Variants in PDLIM1 observed in about 807,000 individuals in gnomAD.
PDLIM1 encodes the protein PDZ and LIM domain protein 1.
A neutral mutation model predicts 35.2 loss-of-function variants in PDLIM1; 25 were observed. The ratio of observed to expected loss-of-function variants is 0.71; its 90% CI spans 0.52 to 0.99. The LOEUF (loss-of-function observed/expected upper bound fraction) is 0.99. Among genes scored for constraint, PDLIM1 ranks in the 50% least tolerant of loss-of-function variants. The pLI, the probability that PDLIM1 is intolerant of heterozygous loss-of-function variation, is 0.00. For missense variants in PDLIM1, 363 were observed against 415.3 expected (o/e 0.87, Z 1.09); for synonymous variants, 152 against 154.0 (o/e 0.99, Z 0.10).
intron 1 of PDLIM1, among the ~76,000 whole-genome samples, chr10:95,283,981 CTG>C (rs3979535): frequency 0.22 from 32,744 of 150,170 alleles, 3,836 homozygotes; most frequent in African/African-American, 0.31. Flanking sequence ...GCCTTTTTCT[CTG>C]TGTGTGTGTG....
At chr10:95,278,635 AAAAG>A (rs901271627) in intron 1 of PDLIM1, among the ~76,000 whole-genome samples, 1 of 152,028 alleles carries the variant, frequency 6.6e-6, no homozygotes. Context: ...AAAAGAAAAG[AAAAG>A]AAAGAAATTT....
intron 4 of PDLIM1, among the ~76,000 whole-genome samples, chr10:95,251,739 A>C (rs2035269755): frequency 1.3e-5 from 2 of 152,226 alleles, no homozygotes; most frequent in South Asian, 4.1e-4. Context: ...GATGAGGTAG[A>C]CATATTTTTC....
intron 2 of PDLIM1, among the ~76,000 whole-genome samples, chr10:95,270,786 TG>T (rs1242795305): frequency 6.6e-6 from 1 of 152,100 alleles, no homozygotes; most frequent in Non-Finnish European, 1.5e-5. Flanking sequence ...AGTTTCGCTC[TG>T]TCGCCCAGGC....
At chr10:95,260,780 A>C (rs1173043568) in intron 4 of PDLIM1, among the ~76,000 whole-genome samples, 1 of 152,256 alleles carries the variant, frequency 6.6e-6, no homozygotes, top group African/African-American at 2.4e-5. Context: ...CTGGAACTTC[A>C]GCGAATTTCA....
chr10:95,265,568 C>A (rs2035406855), intron 3 of PDLIM1, among the ~76,000 whole-genome samples: 1 of 142,036 alleles, frequency 7.0e-6, no homozygotes, highest in African/African-American at 2.7e-5. Context: ...GCACCCCAGC[C>A]TGGGCAACGA....
intron 1 of PDLIM1, among the ~76,000 whole-genome samples, chr10:95,275,033 T>C (rs890487782): frequency 1.3e-5 from 2 of 152,180 alleles, no homozygotes; most frequent in East Asian, 1.9e-4. Flanking sequence ...ATTCCAGAGC[T>C]CACAATATTT....
At chr10:95,288,921 ACGTGC>A (rs1463017577) in intron 1 of PDLIM1, among the ~76,000 whole-genome samples, 6 of 152,246 alleles carry the variant, frequency 3.9e-5, no homozygotes, top group Non-Finnish European at 7.3e-5. Flanking sequence ...GGAATATGAT[ACGTGC>A]TCATTAAACA....
intron 3 of PDLIM1, among the ~76,000 whole-genome samples, chr10:95,264,794 T>G (rs1279664716): frequency 2.7e-5 from 4 of 147,582 alleles, no homozygotes; most frequent in Non-Finnish European, 6.0e-5. Context: ...ACCCCCACCC[T>G]AGACTTGTTA....
In PDLIM1 at chr10:95,270,782, G is replaced by A. The variant is rs750934329; in HGVS notation, c.248+851C>T. 2.0e-5 allele frequency among the ~76,000 whole-genome samples: 3 copies of A among 151,748 alleles called. No homozygotes were observed. The South Asian group carries it at 6.3e-4, about 32-fold the overall frequency. On this transcript the variant is annotated intron_variant, in intron 2 of 6. Transcript: ENST00000329399. ...ATTTTTTTTTTTGAGATGGAGTTTC[G>A]CTCTGTCGCCCAGGCTGGAGTGCAG...
chr10:95,263,749 T>G (rs2035386135), intron 4 of PDLIM1, 115 bp downstream of exon 4: 3 of 674,156 alleles, frequency 4.5e-6, no homozygotes, highest in Admixed American at 2.9e-5. Flanking sequence ...GTTCTGCTAA[T>G]GTAGTCATTT....
intron 4 of PDLIM1, among the ~76,000 whole-genome samples, chr10:95,256,990 G>GAAAAGAAAAGA (rs372697818): frequency 9.9e-5 from 9 of 90,510 alleles, no homozygotes; most frequent in African/African-American, 1.4e-4. Context: ...AAAAAAAAAA[G>GAAAAGAAAAGA]AAAGAAAGAA....
chr10:95,286,430 A>C (rs1490023651), intron 1 of PDLIM1, among the ~76,000 whole-genome samples: 1 of 151,774 alleles, frequency 6.6e-6, no homozygotes, highest in Non-Finnish European at 1.5e-5. Context: ...ATTTTATTTT[A>C]TCTTTACAGG....
intron 4 of PDLIM1, among the ~76,000 whole-genome samples, chr10:95,252,169 T>C (rs2035273401): frequency 6.6e-6 from 1 of 152,166 alleles, no homozygotes; most frequent in Non-Finnish European, 1.5e-5. Flanking sequence ...AGAGAGTCCA[T>C]ATTTCATCCT....
chr10:95,269,388 A>C (rs1431594256), intron 2 of PDLIM1, among the ~76,000 whole-genome samples: 1 of 151,974 alleles, frequency 6.6e-6, no homozygotes, highest in Non-Finnish European at 1.5e-5. Flanking sequence ...CCTGGCCAAC[A>C]TGGTGAAACC....
intron 4 of PDLIM1, among the ~76,000 whole-genome samples, chr10:95,258,081 G>C (rs1038460998): frequency 2.6e-5 from 4 of 152,172 alleles, no homozygotes; most frequent in African/African-American, 9.6e-5. Context: ...CAAAGAGAGA[G>C]AGAGCTGGTG....
chr10:95,287,552 T>C (rs2035613238), intron 1 of PDLIM1, among the ~76,000 whole-genome samples: 2 of 152,100 alleles, frequency 1.3e-5, no homozygotes, highest in Admixed American at 1.3e-4. Flanking sequence ...CTTTTATCAG[T>C]TGCTGGGAGA....
At chr10:95,241,414 C>A (rs116481871) in intron 5 of PDLIM1, among the ~76,000 whole-genome samples, 1 of 152,194 alleles carries the variant, frequency 6.6e-6, no homozygotes, top group Admixed American at 6.5e-5. Context: ...TACCCCGCCC[C>A]TCTCTTGCCA....
Position 95,263,883 on chromosome 10 carries a change from C to G in PDLIM1, c.514G>C (p.Val172Leu), listed in dbSNP as rs137902549. The G allele has an allele frequency of 3.7e-6, 6 of 1,612,960 alleles. No homozygotes were observed. The highest frequency in any genetic ancestry group is 5.1e-6 in the Non-Finnish European group (6 of 1,179,526). ...ACTTACGGTCTGCTGTTCGCCTCCA[C>G]CCCGCTGGCAGCAGTCTTTGACTCC... ...ALESKTAASG[V>L]EANSRPLDHA... The change falls in exon 4 of 7, where the codon GTG (valine) becomes CTG (leucine). Residue 172 changes from valine (V) to leucine (L), a missense_variant. By Grantham distance (32) the Val-to-Leu change is conservative (BLOSUM62 1). Transcript: ENST00000329399.
intron 4 of PDLIM1, among the ~76,000 whole-genome samples, chr10:95,258,809 T>G (rs575640361): frequency 1.3e-5 from 2 of 152,198 alleles, no homozygotes; most frequent in African/African-American, 4.8e-5. Flanking sequence ...GATCATAAAT[T>G]TCATGTTTTT....
Sources: gnomAD v4.1 joint callset for allele counts (sites outside exome capture counted in the v4.1 genomes callset) on GRCh38, gnomAD v4.1.1 for gene constraint, MANE v1.5 for transcripts, NCBI Gene and HGNC (gene_info 2026-07-23, HGNC 2026-07-21) for gene names.